Variants in MYRFL observed in about 807,000 individuals in gnomAD.
MYRFL encodes myelin regulatory factor-like protein.
MYRFL carries 88 observed loss-of-function variants against 109.4 expected under a neutral mutation model. The observed-to-expected ratio is 0.80, with a 90% confidence interval of 0.68 to 0.96. The LOEUF is 0.96. MYRFL is among the 40% of genes least tolerant of loss of function. The pLI is 0.00. For synonymous variants in MYRFL, 324 were observed against 320.9 expected (o/e 1.01, Z -0.10); for missense variants, 957 against 954.9 (o/e 1.00, Z -0.03).
At position 69,955,747 on chromosome 12, in the gene MYRFL, G is replaced by A. The variant is rs570534496; in HGVS notation, c.2450+310G>A. Among the ~76,000 whole-genome samples, 5 of 151,900 alleles carry A rather than the reference G, an allele frequency of 3.3e-5. No homozygotes were observed. In the South Asian group the frequency reaches 1.0e-3, roughly 32 times the overall value. On this transcript the variant is annotated intron_variant, in intron 22 of 24. Transcript: ENST00000552032. ...CTTTCTCACTTGGTGAGAGAGAATT[G>A]GAATGGCAACAAGAGTAATAACATG...
chr12:69,855,455 C>A, intron 2 of MYRFL, 85 bp downstream of exon 2: 2 of 634,752 alleles, frequency 3.2e-6, no homozygotes, highest in Non-Finnish European at 5.8e-6. Context: ...CCCTCCTCTT[C>A]TGTTTTCCAA....
At chr12:69,872,143 C>G (rs1885391291) in intron 2 of MYRFL, among the ~76,000 whole-genome samples, 1 of 151,926 alleles carries the variant, frequency 6.6e-6, no homozygotes, top group Non-Finnish European at 1.5e-5. Flanking sequence ...AAATGAGCCT[C>G]TTTGTCTGTG....
At chr12:69,871,396 A>AT (rs1245630062) in intron 2 of MYRFL, among the ~76,000 whole-genome samples, 9 of 151,816 alleles carry the variant, frequency 5.9e-5, no homozygotes, top group African/African-American at 2.2e-4. Flanking sequence ...TGCCCGGCTA[A>AT]TTTTTGTATT....
At chr12:69,898,769 T>C (rs539223216) in intron 10 of MYRFL, among the ~76,000 whole-genome samples, 1 of 152,302 alleles carries the variant, frequency 6.6e-6, no homozygotes, top group South Asian at 2.1e-4. Context: ...CTTGGAATAA[T>C]TTACCTAGTG....
chr12:69,851,030 C>T (rs1422370483), intron 1 of MYRFL, among the ~76,000 whole-genome samples: 1 of 152,034 alleles, frequency 6.6e-6, no homozygotes, highest in East Asian at 1.9e-4. Flanking sequence ...ACAATGGCTG[C>T]ATAATATTTC....
intron 22 of MYRFL, among the ~76,000 whole-genome samples, chr12:69,956,548 C>T (rs969837342): frequency 6.6e-6 from 1 of 152,066 alleles, no homozygotes; most frequent in Non-Finnish European, 1.5e-5. Context: ...TCCCCCTCCA[C>T]ATTTCCTTTC....
intron 15 of MYRFL, among the ~76,000 whole-genome samples, chr12:69,929,492 G>A (rs943822052): frequency 6.6e-6 from 1 of 152,230 alleles, no homozygotes; most frequent in African/African-American, 2.4e-5. Flanking sequence ...TGAAGGAGAA[G>A]TTACAGATGG....
chr12:69,945,551 G>A (rs1216723179), intron 19 of MYRFL, among the ~76,000 whole-genome samples: 1 of 152,190 alleles, frequency 6.6e-6, no homozygotes, highest in Non-Finnish European at 1.5e-5. Context: ...ACTTTGTGAT[G>A]TTTGTACAAC....
At chr12:69,852,579 A>ATTT (rs61145700) in intron 1 of MYRFL, among the ~76,000 whole-genome samples, 22,020 of 112,040 alleles carry the variant, frequency 0.2, 2,302 homozygotes, top group South Asian at 0.27. Context: ...TTAATTTTTA[A>ATTT]TTTTTTTTTT....
At chr12:69,953,798 C>T (rs944879927) in intron 21 of MYRFL, among the ~76,000 whole-genome samples, 2 of 149,644 alleles carry the variant, frequency 1.3e-5, no homozygotes, top group Admixed American at 1.3e-4. Context: ...CACACACACA[C>T]GGAATGGGGG....
chr12:69,910,756 A>G, intron 12 of MYRFL, 65 bp from the exon 13 acceptor site: 2 of 1,206,520 alleles, frequency 1.7e-6, no homozygotes, highest in Non-Finnish European at 2.3e-6. Flanking sequence ...GCAAAAGCTT[A>G]GAGAGGATTT....
In MYRFL at chr12:69,926,737, A is replaced by G. The variant is rs1361900389; in HGVS notation, c.1766+3A>G. 2.1e-6 allele frequency: 3 copies of G among 1,443,532 alleles called. No homozygotes were observed. Among genetic ancestry groups the G allele is most frequent in the Non-Finnish European group, 2.7e-6 (3 of 1,097,788 alleles). 89.4% of individuals were successfully genotyped at this position (1,443,532 alleles called of 1,614,324 possible). On this transcript the variant is annotated splice_donor_region_variant and intron_variant, in intron 14 of 24. Coordinates refer to ENST00000552032, the MANE Select transcript of MYRFL (RefSeq NM_182530.3). Reference sequence around the variant, plus strand: ...GCCAGTGAAGCAAGCACAATCAGGTACGTGCAGCCAGGATTGCCATAGAAA... The same window carrying G: ...GCCAGTGAAGCAAGCACAATCAGGTGCGTGCAGCCAGGATTGCCATAGAAA...
At chr12:69,957,087 G>A (rs904334485) in intron 22 of MYRFL, among the ~76,000 whole-genome samples, 11 of 152,128 alleles carry the variant, frequency 7.2e-5, no homozygotes, top group African/African-American at 2.7e-4. Flanking sequence ...TTGTGCAAAA[G>A]GATTGTTCCC....
chr12:69,846,801 T>C (rs1883580548), intron 1 of MYRFL, among the ~76,000 whole-genome samples: 1 of 151,852 alleles, frequency 6.6e-6, no homozygotes, highest in Admixed American at 6.6e-5. Flanking sequence ...TGAACTAGTT[T>C]ACAGTCCCAC....
At chr12:69,917,829 C>A (rs985989303) in intron 13 of MYRFL, among the ~76,000 whole-genome samples, 2 of 150,790 alleles carry the variant, frequency 1.3e-5, no homozygotes, top group African/African-American at 4.9e-5. Context: ...TTAAGGAAAT[C>A]TGAAGGAGAA....
chr12:69,859,879 A>C (rs1173710157), intron 2 of MYRFL, among the ~76,000 whole-genome samples: 1 of 152,194 alleles, frequency 6.6e-6, no homozygotes, highest in East Asian at 1.9e-4. Context: ...TCAGGCATCT[A>C]GGAAGTCTAT....
At chr12:69,858,671 A>G (rs910938381) in intron 2 of MYRFL, among the ~76,000 whole-genome samples, 3 of 151,886 alleles carry the variant, frequency 2.0e-5, no homozygotes, top group Admixed American at 6.6e-5. Flanking sequence ...TTTAATCTCT[A>G]AAGAGTCTGT....
chr12:69,868,114 T>C (rs553636907), intron 2 of MYRFL, among the ~76,000 whole-genome samples: 3 of 150,852 alleles, frequency 2.0e-5, no homozygotes, highest in Middle Eastern at 3.4e-3. Flanking sequence ...TTTTTCTTTT[T>C]TTTTTTTTTT....
At chr12:69,862,420 T>C (rs1031692037) in intron 2 of MYRFL, among the ~76,000 whole-genome samples, 2 of 152,184 alleles carry the variant, frequency 1.3e-5, no homozygotes, top group African/African-American at 4.8e-5. Context: ...CCTCTTTTAT[T>C]TCATTGAGCA....
Sources: allele counts gnomAD v4.1 joint callset (sites outside exome capture counted in the v4.1 genomes callset), GRCh38; gene constraint gnomAD v4.1.1; transcripts MANE v1.5; gene names NCBI Gene and HGNC (gene_info 2026-07-23, HGNC 2026-07-21).